The following KRT17 variants were observed in gnomAD, a reference collection of about 807,000 sequenced individuals.
KRT17 encodes keratin 17, also known as keratin, type I cytoskeletal 17.
A neutral mutation model predicts 45.6 loss-of-function variants in KRT17; 29 were observed. The ratio of observed to expected loss-of-function variants is 0.64; its 90% CI spans 0.47 to 0.87. KRT17 has a LOEUF of 0.87. Among genes scored for constraint, KRT17 ranks in the 40% least tolerant of loss-of-function variants. KRT17 has a pLI of 0.00. For synonymous variants in KRT17, 219 were observed against 234.6 expected (o/e 0.93, Z 0.61); for missense variants, 536 against 577.8 (o/e 0.93, Z 0.74).
Position 41,624,403 on chromosome 17 carries a change from C to A in KRT17, c.107G>T (p.Gly36Val), listed in dbSNP as rs755266373. The A allele has an allele frequency of 6.8e-6, 11 of 1,610,340 alleles. No homozygotes were observed. The highest frequency in any genetic ancestry group is 9.3e-6 in the Non-Finnish European group (11 of 1,179,548). ...AGATCCCAGCCTGCAGGAGCCGGCA[C>A]CCAGGCCGCCAGACAGCCGGCAGGA... ...RTSCRLSGGL[G>V]AGSCRLGSAG... Residue 36 changes from glycine (G) to valine (V), a missense_variant, in exon 1 of 8, where the codon GGT (glycine) becomes GTT (valine). Physicochemically the swap from Gly to Val is moderately radical, Grantham distance 109 (BLOSUM62 -3). Transcript: ENST00000311208.
In KRT17 at chr17:41,621,727, C is replaced by T. The variant is rs1346976326; in HGVS notation, c.700G>A (p.Gly234Ser). The change falls in exon 4 of 8, where the codon GGT (glycine) becomes AGT (serine). Residue 234 changes from glycine (G) to serine (S), a missense_variant. Physicochemically the swap from Gly to Ser is moderately conservative, Grantham distance 56 (BLOSUM62 0). Transcript: ENST00000311208. ...EEMNALRGQV[G>S]GEINVEMDAA... ...TCCATCTCCACATTGATCTCACCACCCACCTGGCCTCGCAGGGCGTTCATC... is the reference window on the plus strand; with the variant it reads ...TCCATCTCCACATTGATCTCACCACTCACCTGGCCTCGCAGGGCGTTCATC... 2 of 1,612,140 alleles carry T rather than the reference C, an allele frequency of 1.2e-6. No homozygotes were observed. The highest frequency in any genetic ancestry group is 1.7e-5 in the Admixed American group (1 of 60,024).
rs534260702 is a variant in KRT17 at position 41,621,517 on chromosome 17, C to T, written c.834+76G>A. 1.7e-4 allele frequency: 272 copies of T among 1,577,604 alleles called. 2 individuals are homozygous for T. Among genetic ancestry groups the T allele is most frequent in the South Asian group, 1.7e-3 (152 of 90,256 alleles). ...GAGGGGCACCTCCAAGACATCTGGC[C>T]GTGGGCTTACTGTCAGTGCTAAGGC... On this transcript the variant is annotated intron_variant, in intron 4 of 7. Transcript: ENST00000311208.
At position 41,623,052 on chromosome 17, in the gene KRT17, G is replaced by C. The variant is rs548038952; in HGVS notation, c.433-20C>G. On this transcript the variant is annotated intron_variant, in intron 1 of 7. Coordinates refer to ENST00000311208, the MANE Select transcript of KRT17 (RefSeq NM_000422.3). ...GAGGATCTGAGGAGAAGGGAGAGTA[G>C]TCAGGTCATTGGATGGGGGTGGCTG... The C allele has an allele frequency of 1.9e-4, 301 of 1,595,294 alleles. 6 individuals are homozygous for C. The South Asian group carries it at 3.2e-3, about 17-fold the overall frequency.
At position 41,624,030 on chromosome 17, in the gene KRT17, G is replaced by T. The variant is rs758806868; in HGVS notation, c.432+48C>A. ...GCCTTTGGCCAAGGCAGGAGTTGGGGGGAAGAAGTCATGCCCCCCGGAGAC... is the reference window on the plus strand; with the variant it reads ...GCCTTTGGCCAAGGCAGGAGTTGGGTGGAAGAAGTCATGCCCCCCGGAGAC... On this transcript the variant is annotated intron_variant, in intron 1 of 7. Coordinates refer to ENST00000311208, the MANE Select transcript of KRT17 (RefSeq NM_000422.3). 9 of 1,611,236 alleles carry T rather than the reference G, an allele frequency of 5.6e-6. No individual in the cohort carries two copies. The African/African-American group carries it at 9.4e-5, about 17-fold the overall frequency.
chr17:41,624,260 C>T lies in KRT17; in HGVS notation c.250G>A (p.Glu84Lys). The T allele has an allele frequency of 1.2e-6, 2 of 1,612,542 alleles. No homozygotes were observed. The highest frequency in any genetic ancestry group is 1.7e-6 in the Non-Finnish European group (2 of 1,180,000). ...TTGAGGTTCTGCATGGTGGCCTTCT[C>T]ACCTCCAGCCAGCAGCCCATCAACA... is the stretch of plus-strand genomic sequence containing the variant. ...GGVDGLLAGG[E>K]KATMQNLNDR... is the part of the protein sequence containing the mutation. The change falls in exon 1 of 8, where the codon GAG becomes AAG. Residue 84 changes from glutamate to lysine, a missense_variant. By Grantham distance (56) the Glu-to-Lys change is moderately conservative. Transcript: ENST00000311208.
chr17:41,621,799 G>A, intron 3 of KRT17, 45 bp from the exon 4 acceptor site: 2 of 1,610,458 alleles, frequency 1.2e-6, no homozygotes, highest in Non-Finnish European at 1.7e-6. Flanking sequence ...GACCCATCCT[G>A]ACCTCTCACT....
At chr17:41,622,915 G>A (rs1346547412) in intron 2 of KRT17, 35 bp downstream of exon 2, 16 of 1,569,268 alleles carry the variant, frequency 1.0e-5, no homozygotes, top group African/African-American at 4.1e-5. Flanking sequence ...TCCGCCAGCT[G>A]GCCCAGGCTG....
rs558497878 is a variant in KRT17, at chr17:41,619,783, T to C, written c.1205-95A>G. The C allele has an allele frequency of 6.5e-5, 103 of 1,596,322 alleles. No individual in the cohort carries two copies. The African/African-American group carries it at 1.3e-3, about 20-fold the overall frequency. ...GGACAGGAGCCGGCTCTCTCCCTCA[T>C]CCTCCCCCAGGTGCTGTGAGTGCCT... is the stretch of plus-strand genomic sequence containing the variant. On this transcript the variant is annotated intron_variant, in intron 7 of 7. Coordinates refer to ENST00000311208, the MANE Select transcript of KRT17 (RefSeq NM_000422.3).
At position 41,623,012 on chromosome 17, in the gene KRT17, G is replaced by A; in HGVS notation, c.453C>T (p.Asp151=). The stretch of plus-strand genomic sequence containing the variant: ...CAATCTGTAGCAGGATGTTGGCATT[G>A]TCCACGGTGGCTGTGAGGATCTGAG... ...LQNKILTATV[D]NANILLQIDN... is the part of the protein sequence containing the mutation. The change falls in exon 2 of 8, where the codon GAC becomes GAT. Residue 151 remains aspartate (D), a synonymous_variant. Coordinates refer to ENST00000311208, the MANE Select transcript of KRT17 (RefSeq NM_000422.3). The A allele has an allele frequency of 1.9e-6, 3 of 1,613,374 alleles. No homozygotes were observed. Among genetic ancestry groups the A allele is most frequent in the Non-Finnish European group, 2.5e-6 (3 of 1,179,666 alleles).
At chr17:41,621,570 C>G in intron 4 of KRT17, 23 bp downstream of exon 4, 2 of 1,611,988 alleles carry the variant, frequency 1.2e-6, no homozygotes, top group Non-Finnish European at 1.7e-6. Flanking sequence ...TAAGAGAGCC[C>G]TCTGGCCTGC....
chr17:41,620,241 T>C (rs1286201865), intron 7 of KRT17: 2 of 985,402 alleles, frequency 2.0e-6, no homozygotes, highest in East Asian at 2.3e-4. Flanking sequence ...CATGAGACCA[T>C]GTTCCTATCT....
chr17:41,622,956 C>A lies in KRT17; in HGVS notation c.509G>T (p.Arg170Leu). 6.2e-7 allele frequency: 1 copy of A among 1,612,006 alleles called. No homozygotes were observed. The highest frequency in any genetic ancestry group is 8.5e-7 in the Non-Finnish European group (1 of 1,179,292). The change falls in exon 2 of 8, where the codon CGC becomes CTC. Residue 170 changes from arginine (R) to leucine (L), a missense_variant. Coordinates refer to ENST00000311208, the MANE Select transcript of KRT17 (RefSeq NM_000422.3). ...DNARLAADDF[R>L]TKFETEQALR... The stretch of plus-strand genomic sequence containing the variant: ...GGCCACAGCTAGGACTCACTTGGTG[C>A]GGAAGTCATCAGCAGCCAGACGGGC...
rs150297631 is a variant in KRT17 at position 41,621,698 on chromosome 17, A to C, written c.729T>G (p.Ala243=). ...TGCGGCTCAGGTCCACGCCTGGGGCAGCGTCCATCTCCACATTGATCTCAC... is the reference window on the plus strand; with the variant it reads ...TGCGGCTCAGGTCCACGCCTGGGGCCGCGTCCATCTCCACATTGATCTCAC... The part of the protein sequence containing the change: ...VGGEINVEMD[A]APGVDLSRIL... The change falls in exon 4 of 8, where the codon GCT becomes GCG. Residue 243 remains alanine (A), a synonymous_variant. Transcript: ENST00000311208. 232 of 1,612,124 alleles carry C rather than the reference A, an allele frequency of 1.4e-4. No individual in the cohort carries two copies. Among genetic ancestry groups the C allele is most frequent in the Non-Finnish European group, 1.9e-4 (222 of 1,179,860 alleles).
In KRT17 at chr17:41,624,032, G is replaced by A. The variant is rs576086079; in HGVS notation, c.432+46C>T. On this transcript the variant is annotated intron_variant, in intron 1 of 7. Coordinates refer to ENST00000311208, the MANE Select transcript of KRT17 (RefSeq NM_000422.3). Reference sequence around the variant, plus strand: ...CTTTGGCCAAGGCAGGAGTTGGGGGGAAGAAGTCATGCCCCCCGGAGACCC... The same window carrying A: ...CTTTGGCCAAGGCAGGAGTTGGGGGAAAGAAGTCATGCCCCCCGGAGACCC... 2.0e-4 allele frequency: 326 copies of A among 1,611,462 alleles called. 4 individuals are homozygous for A. The South Asian group carries it at 2.6e-3, about 13-fold the overall frequency.
At position 41,619,492 on chromosome 17, in the gene KRT17, G is replaced by T. The variant is rs994312287; in HGVS notation, c.*102C>A. Reference sequence around the variant, plus strand: ...CATCAGGCAAGGAAGCATGGGGAAGGGACTGAAGCAGGGGGCTGAGGCTGG... The same window carrying T: ...CATCAGGCAAGGAAGCATGGGGAAGTGACTGAAGCAGGGGGCTGAGGCTGG... On this transcript the variant is annotated 3_prime_UTR_variant, in exon 8 of 8. Coordinates refer to ENST00000311208, the MANE Select transcript of KRT17 (RefSeq NM_000422.3). 1.6e-5 allele frequency: 26 copies of T among 1,599,654 alleles called. No homozygotes were observed. In the African/African-American group the frequency reaches 2.9e-4, roughly 18 times the overall value.
chr17:41,621,009 G>T lies in KRT17; in HGVS notation c.917C>A (p.Thr306Asn). Residue 306 changes from threonine to asparagine, a missense_variant, in exon 5 of 8, where the codon ACC becomes AAC. Transcript: ENST00000311208. ...GKSEISELRR[T>N]MQALEIELQS... ...CAGCTCTATCTCCAAGGCCTGCATG[G>T]TGCGCCGGAGCTCCGAGATCTCACT... The T allele has an allele frequency of 6.2e-7, 1 of 1,614,004 alleles. No homozygotes were observed. Among genetic ancestry groups the T allele is most frequent in the Non-Finnish European group, 8.5e-7 (1 of 1,180,002 alleles).
At chr17:41,621,777 T>G in intron 3 of KRT17, 23 bp from the exon 4 acceptor site, 3 of 1,611,914 alleles carry the variant, frequency 1.9e-6, no homozygotes, top group Non-Finnish European at 1.7e-6. Flanking sequence ...GGGATGTGGA[T>G]GTGCGCATCT....
chr17:41,619,789 C>G, intron 7 of KRT17, 101 bp from the exon 8 acceptor site: 1 of 1,590,680 alleles, frequency 6.3e-7, no homozygotes, highest in East Asian at 2.3e-5. Flanking sequence ...CTCATCCTCC[C>G]CCAGGTGCTG....
At position 41,622,727 on chromosome 17, in the gene KRT17, C is replaced by A. The variant is rs555036287; in HGVS notation, c.516-216G>T. Reference sequence around the variant, plus strand: ...CCTTACTTCTCTCTGCCTCCCGCCTCCCGCCTCCCCTCCTTCTCTTCTATT... The same window carrying A: ...CCTTACTTCTCTCTGCCTCCCGCCTACCGCCTCCCCTCCTTCTCTTCTATT... On this transcript the variant is annotated intron_variant, in intron 2 of 7. Coordinates refer to ENST00000311208, the MANE Select transcript of KRT17 (RefSeq NM_000422.3). 1.7e-5 allele frequency: 12 copies of A among 701,098 alleles called. No homozygotes were observed. In the East Asian group the frequency reaches 3.2e-4, roughly 19 times the overall value. The allele number at this position is 701,098 out of a possible 1,614,324, so 43.4% of individuals were successfully genotyped here.
Sources: allele counts gnomAD v4.1 joint callset, GRCh38; gene constraint gnomAD v4.1.1; transcripts MANE v1.5; gene names NCBI Gene and HGNC (gene_info 2026-07-23, HGNC 2026-07-21).